CLIC4: variants seen among roughly 807,000 people sequenced by gnomAD.
The protein encoded by CLIC4 is CLIC family member 4, also known as chloride intracellular channel protein 4.
A neutral mutation model predicts 24.6 loss-of-function variants in CLIC4; 13 were observed. The observed-to-expected ratio is 0.53, with a 90% CI of 0.34 to 0.84. The LOEUF is 0.84. Among genes scored for constraint, CLIC4 ranks in the 40% least tolerant of loss-of-function variants. The pLI, the probability that CLIC4 is intolerant of heterozygous loss-of-function variation, is 0.01. For synonymous variants in CLIC4, 104 were observed against 111.3 expected, an observed-to-expected ratio of 0.93 and a Z score of 0.41; for missense variants, 227 against 301.7, an observed-to-expected ratio of 0.75 and a Z score of 1.83.
Position 24,827,026 on chromosome 1 carries a change from C to A in CLIC4, c.325C>A (p.Pro109Thr). 2 of 1,607,112 alleles carry A rather than the reference C, an allele frequency of 1.2e-6. No individual in the cohort carries two copies. The highest frequency in any genetic ancestry group is 1.7e-6 in the Non-Finnish European group (2 of 1,177,660). ...TCTATTTAGGTACTTAAAGCTTTCA[C>A]CAAAACACCCAGAATCAAATACTGC... ...LCPPKYLKLS[P>T]KHPESNTAGM... The change falls in exon 4 of 6, where the codon CCA becomes ACA. Residue 109 changes from proline to threonine, a missense_variant. Pro to Thr is a conservative substitution (Grantham distance 38). Coordinates refer to ENST00000374379, the MANE Select transcript of CLIC4 (RefSeq NM_013943.3).
intron 1 of CLIC4, among the ~76,000 whole-genome samples, chr1:24,792,176 G>A (rs1419168682): frequency 6.6e-6 from 1 of 151,038 alleles, no homozygotes; most frequent in Non-Finnish European, 1.5e-5. Context: ...ATGTGTATGT[G>A]TGTGTATATA....
In CLIC4 at chr1:24,799,561, G is replaced by A. The variant is rs543102596; in HGVS notation, c.182+1710G>A. 4.0e-5 allele frequency among the ~76,000 whole-genome samples: 6 copies of A among 150,944 alleles called. No individual in the cohort carries two copies. In the South Asian group the frequency reaches 1.3e-3, roughly 32 times the overall value. ...CCCCCCCATCTGGGAAGTGAGGAGC[G>A]TCTCCGCCCGGCCAGCCGCCCCGTC... On this transcript the variant is annotated intron_variant, in intron 2 of 5. Coordinates refer to ENST00000374379, the MANE Select transcript of CLIC4 (RefSeq NM_013943.3).
chr1:24,807,795 CTG>C (rs755463220), intron 2 of CLIC4, among the ~76,000 whole-genome samples: 4 of 152,130 alleles, frequency 2.6e-5, no homozygotes, highest in Admixed American at 6.5e-5. Flanking sequence ...TTAAAAAAAA[CTG>C]TTTGTGAAAA....
rs190329117 is a variant in CLIC4 at position 24,764,315 on chromosome 1, G to A, written c.72+18690G>A. Among the ~76,000 whole-genome samples the A allele has an allele frequency of 2.3e-3, 353 of 152,042 alleles. 9 individuals carry two copies. The highest frequency in any genetic ancestry group is 0.019 in the Admixed American group (286 of 15,294). ...GGGTTTCTCCATGTTGGTCAGGGTG[G>A]TCTCGAACTCCCAACCTCAGGTGAT... is the stretch of plus-strand genomic sequence containing the variant. On this transcript the variant is annotated intron_variant, in intron 1 of 5. Coordinates refer to ENST00000374379, the MANE Select transcript of CLIC4 (RefSeq NM_013943.3).
At chr1:24,778,586 C>G (rs946393501) in intron 1 of CLIC4, among the ~76,000 whole-genome samples, 1 of 151,728 alleles carries the variant, frequency 6.6e-6, no homozygotes, top group East Asian at 1.9e-4. Context: ...AAGAATATGT[C>G]TTTGATGAAG....
chr1:24,792,838 T>C (rs1415949760), intron 1 of CLIC4, among the ~76,000 whole-genome samples: 5 of 152,326 alleles, frequency 3.3e-5, no homozygotes, highest in Admixed American at 3.3e-4. Context: ...GGCATTTCTG[T>C]CCTGACCAGG....
intron 1 of CLIC4, among the ~76,000 whole-genome samples, chr1:24,782,612 A>C (rs1639218206): frequency 6.6e-6 from 1 of 152,242 alleles, no homozygotes; most frequent in Non-Finnish European, 1.5e-5. Context: ...TTTAGAAACT[A>C]TTAGGACTGA....
chr1:24,790,378 T>G (rs1485960106), intron 1 of CLIC4, among the ~76,000 whole-genome samples: 1 of 152,218 alleles, frequency 6.6e-6, no homozygotes, highest in African/African-American at 2.4e-5. Flanking sequence ...AGCCCCACTT[T>G]TTAGATTTAA....
intron 4 of CLIC4, among the ~76,000 whole-genome samples, chr1:24,829,703 T>C (rs1177107524): frequency 6.6e-6 from 1 of 152,212 alleles, no homozygotes; most frequent in Non-Finnish European, 1.5e-5. Flanking sequence ...TTTCATGATG[T>C]CCAAATTCCT....
chr1:24,828,934 A>AC (rs1639813406), intron 4 of CLIC4, among the ~76,000 whole-genome samples: 3 of 152,252 alleles, frequency 2.0e-5, no homozygotes, highest in African/African-American at 7.2e-5. Context: ...ACTTCTCTCC[A>AC]CAGGGACCTG....
chr1:24,798,323 G>A (rs908443754), intron 2 of CLIC4, among the ~76,000 whole-genome samples: 1 of 152,080 alleles, frequency 6.6e-6, no homozygotes, highest in Non-Finnish European at 1.5e-5. Context: ...ATTTTCTATA[G>A]CATTTTAGCT....
intron 3 of CLIC4, 127 bp downstream of exon 3, chr1:24,814,346 A>G: frequency 9.4e-7 from 1 of 1,065,908 alleles, no homozygotes. Flanking sequence ...GTTTCTTATA[A>G]TTAATGCTAC....
intron 1 of CLIC4, among the ~76,000 whole-genome samples, chr1:24,746,064 G>A (rs1293033149): frequency 2.6e-5 from 4 of 151,950 alleles, no homozygotes; most frequent in African/African-American, 9.7e-5. Flanking sequence ...CCCGCCGCCC[G>A]ATGAGCTTTC....
At chr1:24,791,946 G>A (rs895304418) in intron 1 of CLIC4, among the ~76,000 whole-genome samples, 11 of 151,508 alleles carry the variant, frequency 7.3e-5, no homozygotes, top group Admixed American at 2.6e-4. Flanking sequence ...CTGCTCGGGA[G>A]GCTGAGGCAG....
intron 3 of CLIC4, among the ~76,000 whole-genome samples, chr1:24,820,094 T>TATATATATATAG (rs1639713696): frequency 1.8e-5 from 2 of 111,066 alleles, no homozygotes; most frequent in African/African-American, 6.3e-5. Context: ...TATATATATA[T>TATATATATATAG]ATAGACAGTA....
chr1:24,763,397 G>A (rs954143382), intron 1 of CLIC4, among the ~76,000 whole-genome samples: 3 of 151,764 alleles, frequency 2.0e-5, no homozygotes, highest in Non-Finnish European at 4.4e-5. Flanking sequence ...AAAATTAGCC[G>A]GGCGTTGTGG....
At position 24,841,058 on chromosome 1, in the gene CLIC4, T is replaced by G; in HGVS notation, c.*121T>G. The stretch of plus-strand genomic sequence containing the variant: ...GCACGAACATGCAGTTATTGAAGAT[T>G]AGGATCAAGGATAGACAAGGTATAG... On this transcript the variant is annotated 3_prime_UTR_variant, in exon 6 of 6. Coordinates refer to ENST00000374379, the MANE Select transcript of CLIC4 (RefSeq NM_013943.3). The G allele has an allele frequency of 1.3e-6, 1 of 782,386 alleles. No individual in the cohort carries two copies. Among genetic ancestry groups the G allele is most frequent in the South Asian group, 2.1e-5 (1 of 47,258 alleles). The allele number at this position is 782,386 out of a possible 1,614,324, so 48.5% of individuals were successfully genotyped here.
chr1:24,800,846 C>T (rs371569426), intron 2 of CLIC4, among the ~76,000 whole-genome samples: 53 of 152,108 alleles, frequency 3.5e-4, no homozygotes, highest in African/African-American at 7.0e-4. Context: ...ATGTGCTTTG[C>T]TAAACAGATG....
chr1:24,826,963 A>G lies in CLIC4; in HGVS notation c.309-47A>G, dbSNP rs747317080. ...ATGGTGGTTTGAGAGAACTTATGCT[A>G]ATTCATCTTTGAAGGATCTATAATC... On this transcript the variant is annotated intron_variant, in intron 3 of 5. Transcript: ENST00000374379. 4 of 1,332,074 alleles carry G rather than the reference A, an allele frequency of 3.0e-6. No homozygotes were observed. In the East Asian group the frequency reaches 9.3e-5, roughly 31 times the overall value. The allele number at this position is 1,332,074 out of a possible 1,614,324, so 82.5% of individuals were successfully genotyped here.
Sources: allele counts gnomAD v4.1 joint callset (sites outside exome capture counted in the v4.1 genomes callset), GRCh38; gene constraint gnomAD v4.1.1; transcripts MANE v1.5; gene names NCBI Gene and HGNC (gene_info 2026-07-23, HGNC 2026-07-21).